TMEM132E: variants seen among roughly 807,000 people sequenced by gnomAD.
The protein encoded by TMEM132E is transmembrane protein 132E.
Under a neutral mutation model 78.5 loss-of-function variants are expected in TMEM132E, and 49 were observed. The ratio of observed to expected loss-of-function variants is 0.62; its 90% CI spans 0.50 to 0.79. The LOEUF is 0.79. Among genes scored for constraint, TMEM132E ranks in the 30% least tolerant of loss-of-function variants. TMEM132E has a pLI of 0.00. For synonymous variants in TMEM132E, 715 were observed against 670.6 expected, an observed-to-expected ratio of 1.07 and a Z score of -1.02; for missense variants, 1,403 against 1,470.9, an observed-to-expected ratio of 0.95 and a Z score of 0.75.
chr17:34,585,383 C>T (rs768417025), intron 1 of TMEM132E, among the ~76,000 whole-genome samples: 2 of 152,164 alleles, frequency 1.3e-5, no homozygotes, highest in African/African-American at 4.8e-5. Flanking sequence ...AAACTGAAAC[C>T]CTGAGAGGCA....
intron 1 of TMEM132E, among the ~76,000 whole-genome samples, chr17:34,582,537 T>C (rs1361504233): frequency 1.3e-5 from 2 of 151,868 alleles, no homozygotes; most frequent in Non-Finnish European, 2.9e-5. Context: ...TTGCGTTCAG[T>C]TCACCAGAGA....
At chr17:34,631,442 A>C (rs1907345888) in intron 5 of TMEM132E, among the ~76,000 whole-genome samples, 1 of 152,170 alleles carries the variant, frequency 6.6e-6, no homozygotes, top group Non-Finnish European at 1.5e-5. Context: ...CCCCCATCCC[A>C]GCTCCAGAGC....
intron 5 of TMEM132E, among the ~76,000 whole-genome samples, chr17:34,632,491 C>T (rs934258397): frequency 7.9e-5 from 12 of 152,222 alleles, no homozygotes; most frequent in African/African-American, 2.2e-4. Context: ...AAATCCTCCC[C>T]CAGTGGGCAC....
intron 1 of TMEM132E, among the ~76,000 whole-genome samples, chr17:34,597,014 G>C (rs1042738919): frequency 2.6e-5 from 4 of 152,012 alleles, no homozygotes; most frequent in African/African-American, 7.2e-5. Context: ...AAGCTAGGAA[G>C]GGGGAGCTAT....
chr17:34,631,896 AAC>A (rs1907359327), intron 5 of TMEM132E, among the ~76,000 whole-genome samples: 1 of 152,208 alleles, frequency 6.6e-6, no homozygotes, highest in South Asian at 2.1e-4. Context: ...GGGCATATTT[AAC>A]ACACAGAGCC....
intron 5 of TMEM132E, 63 bp from the exon 6 acceptor site, chr17:34,632,641 T>C: frequency 2.5e-6 from 4 of 1,585,818 alleles, no homozygotes; most frequent in Non-Finnish European, 3.5e-6. Flanking sequence ...ACTGAAGTCC[T>C]CCGCACTGCC....
rs983794683 is a variant in TMEM132E, at chr17:34,580,174, G to C, written c.-903G>C. ...TTATGGTCATCAAGCTGGAGTCGAC[G>C]TCCTGGGCAGGAAGGGCTCGGGGCA... On this transcript the variant is annotated 5_prime_UTR_variant, in exon 1 of 9. Transcript: ENST00000631683. 15 of 152,590 alleles carry C rather than the reference G, an allele frequency of 9.8e-5. No individual in the cohort carries two copies. Among genetic ancestry groups the C allele is most frequent in the African/African-American group, 3.6e-4 (15 of 41,598 alleles). The allele number at this position is 152,590 out of a possible 1,614,324, so 9.5% of individuals were successfully genotyped here.
intron 7 of TMEM132E, 66 bp from the exon 8 acceptor site, chr17:34,635,941 T>C: frequency 7.6e-7 from 1 of 1,311,394 alleles, no homozygotes; most frequent in Non-Finnish European, 9.8e-7. Context: ...TCTCCCTAGC[T>C]GGGGGTCTTG....
intron 1 of TMEM132E, among the ~76,000 whole-genome samples, chr17:34,617,944 C>T (rs1028986225): frequency 2.0e-5 from 3 of 152,128 alleles, no homozygotes; most frequent in African/African-American, 7.2e-5. Context: ...CTAGAGATAA[C>T]CACCATTAGC....
intron 1 of TMEM132E, among the ~76,000 whole-genome samples, chr17:34,600,343 T>C (rs1906194764): frequency 6.6e-6 from 1 of 152,218 alleles, no homozygotes. Context: ...TGGGAAAGTA[T>C]TGAAATGTGT....
At position 34,613,958 on chromosome 17, in the gene TMEM132E, A is replaced by C. The variant is rs913540397; in HGVS notation, c.68-12169A>C. On this transcript the variant is annotated intron_variant, in intron 1 of 8. Transcript: ENST00000631683. The stretch of plus-strand genomic sequence containing the variant: ...AGGACTAGGCTGGCAAAGGTAGGCC[A>C]TTGTCTCCAAAAGGCCCTTCCCACA... Among the ~76,000 whole-genome samples, 93 of 152,062 alleles carry C rather than the reference A, an allele frequency of 6.1e-4. 3 individuals carry two copies. Among genetic ancestry groups the C allele is most frequent in the Non-Finnish European group, 5.9e-5 (4 of 68,008 alleles).
intron 1 of TMEM132E, among the ~76,000 whole-genome samples, chr17:34,615,771 G>A (rs527521753): frequency 1.1e-4 from 16 of 151,824 alleles, no homozygotes; most frequent in African/African-American, 1.9e-4. Context: ...GAGGGGAGTC[G>A]GTCGCTGGGT....
In TMEM132E at chr17:34,626,951, C is replaced by T; in HGVS notation, c.892C>T (p.Leu298=). ...HRLDSNLMIR[L]PDRPLKPGEV... ...GCTGGACAGCAACCTGATGATCCGC[C>T]TGCCAGACCGGCCCCTCAAGCCCGG... The change falls in exon 2 of 9, where the codon CTG becomes TTG. Residue 298 remains leucine, a synonymous_variant. Coordinates refer to ENST00000631683, the MANE Select transcript of TMEM132E (RefSeq NM_001304438.2). 1.9e-6 allele frequency: 3 copies of T among 1,613,926 alleles called. No individual in the cohort carries two copies. The highest frequency in any genetic ancestry group is 2.2e-5 in the South Asian group (2 of 91,084).
rs757422058 is a variant in TMEM132E, at chr17:34,627,060, A to G, written c.998+3A>G. On this transcript the variant is annotated splice_donor_region_variant and intron_variant, in intron 2 of 8. Transcript: ENST00000631683. Reference sequence around the variant, plus strand: ...AGCGTGGAGCACTTCACACTCAGGTAGTAGGGAAGATGGGTGGGGATCTGG... The same window carrying G: ...AGCGTGGAGCACTTCACACTCAGGTGGTAGGGAAGATGGGTGGGGATCTGG... 3.6e-6 allele frequency: 5 copies of G among 1,388,092 alleles called. No homozygotes were observed. Among genetic ancestry groups the G allele is most frequent in the African/African-American group, 3.0e-5 (2 of 67,400 alleles). The allele number at this position is 1,388,092 out of a possible 1,614,324, so 86.0% of individuals were successfully genotyped here. A position where few individuals can be genotyped will look rare whatever the true frequency, so the allele number is the denominator to read the frequency against.
At chr17:34,612,996 C>T (rs117770711) in intron 1 of TMEM132E, among the ~76,000 whole-genome samples, 279 of 152,168 alleles carry the variant, frequency 1.8e-3, no homozygotes, top group Non-Finnish European at 2.1e-3. Context: ...CCCCACCCTG[C>T]ACCTCTAAGG....
rs749658557 is a variant in TMEM132E, at chr17:34,626,136, G to T, written c.77G>T (p.Arg26Leu). ...CTCTGTCTGTCCCCAGCCTCTGGCC[G>T]CTCCCACCCGGCCAGCCCCAGCCCG... ...LSALLAHASGRSHPASPSPPG... is the reference protein window; with the variant it reads ...LSALLAHASGLSHPASPSPPG... The change falls in exon 2 of 9, where the codon CGC becomes CTC. Residue 26 changes from arginine (R) to leucine (L), a missense_variant. Physicochemically the swap from Arg to Leu is moderately radical, Grantham distance 102 (BLOSUM62 -2). Around this residue, in one of 3 missense-constraint regions of TMEM132E, gnomAD observed 511 missense variants for 499.0 expected, o/e 1.02. Transcript: ENST00000631683. 18 of 1,519,324 alleles carry T rather than the reference G, an allele frequency of 1.2e-5. No homozygotes were observed. The South Asian group carries it at 2.4e-4, about 20-fold the overall frequency. The allele number at this position is 1,519,324 out of a possible 1,614,324, so 94.1% of individuals were successfully genotyped here. A position where few individuals can be genotyped will look rare whatever the true frequency, so the allele number is the denominator to read the frequency against.
chr17:34,595,046 G>A (rs1023471455), intron 1 of TMEM132E, among the ~76,000 whole-genome samples: 8 of 152,334 alleles, frequency 5.3e-5, no homozygotes, highest in East Asian at 1.9e-4. Context: ...TGGCCTACCC[G>A]GACTTTGGAA....
intron 1 of TMEM132E, among the ~76,000 whole-genome samples, chr17:34,585,734 A>G (rs1905649466): frequency 6.6e-6 from 1 of 152,242 alleles, no homozygotes; most frequent in African/African-American, 2.4e-5. Context: ...GGTTGCAAGC[A>G]GTCATGATAA....
intron 1 of TMEM132E, among the ~76,000 whole-genome samples, chr17:34,620,372 G>GC (rs1906920151): frequency 6.6e-6 from 1 of 152,246 alleles, no homozygotes; most frequent in African/African-American, 2.4e-5. Flanking sequence ...ATATATAGAG[G>GC]CCCTGTCCTG....
Sources: gnomAD v4.1 joint callset for allele counts (sites outside exome capture counted in the v4.1 genomes callset) on GRCh38, gnomAD v4.1.1 for gene constraint, gnomAD v4.1.1 regional missense constraint, MANE v1.5 for transcripts, NCBI Gene and HGNC (gene_info 2026-07-23, HGNC 2026-07-21) for gene names.